DOCK5: variants seen among roughly 807,000 people sequenced by gnomAD.
DOCK5 encodes dedicator of cytokinesis protein 5.
DOCK5 carries 142 observed loss-of-function variants against 251.8 expected under a neutral mutation model. The observed-to-expected ratio is 0.56, with a 90% confidence interval of 0.49 to 0.65. DOCK5 has a LOEUF of 0.65. DOCK5 is among the 30% of genes least tolerant of loss of function. The pLI, the probability that DOCK5 is intolerant of heterozygous loss-of-function variation, is 0.00. For missense variants in DOCK5, 2,111 were observed against 2,312.3 expected (o/e 0.91, Z 1.79); for synonymous variants, 842 against 835.5 (o/e 1.01, Z -0.13).
chr8:25,398,340 G>A (rs17053592), intron 45 of DOCK5, among the ~76,000 whole-genome samples: 1,862 of 152,254 alleles, frequency 0.012, 27 homozygotes, highest in African/African-American at 0.043. Context: ...CTCTAAATAC[G>A]ATCCTGGCTA....
intron 5 of DOCK5, among the ~76,000 whole-genome samples, chr8:25,289,882 G>A (rs1456301983): frequency 6.6e-6 from 1 of 152,018 alleles, no homozygotes; most frequent in African/African-American, 2.4e-5. Flanking sequence ...TAGTATATGT[G>A]GATTCAGTGG....
intron 14 of DOCK5, among the ~76,000 whole-genome samples, chr8:25,318,670 G>A (rs1805335403): frequency 6.9e-6 from 1 of 145,224 alleles, no homozygotes; most frequent in Admixed American, 6.9e-5. Context: ...ATAAAGAAGT[G>A]AGTCCCAATT....
chr8:25,209,125 C>A (rs547952453), intron 1 of DOCK5, among the ~76,000 whole-genome samples: 1 of 152,116 alleles, frequency 6.6e-6, no homozygotes, highest in Admixed American at 6.5e-5. Context: ...GAAGATGCCG[C>A]GGGTGCACTG....
At chr8:25,362,466 T>C (rs1398272892) in intron 28 of DOCK5, among the ~76,000 whole-genome samples, 7 of 100,540 alleles carry the variant, frequency 7.0e-5, no homozygotes, top group Admixed American at 3.9e-4. Context: ...TCTTTTCTTT[T>C]TTTTTTTTTT....
chr8:25,334,050 C>A, intron 20 of DOCK5, 46 bp from the exon 21 acceptor site: 1 of 1,446,394 alleles, frequency 6.9e-7, no homozygotes, highest in Non-Finnish European at 9.7e-7. Context: ...TGACAGAATA[C>A]TTGGGATTGT....
rs181200815 is a variant in DOCK5 at position 25,218,516 on chromosome 8, A to G, written c.44-25158A>G. 4.7e-3 allele frequency among the ~76,000 whole-genome samples: 716 copies of G among 152,334 alleles called. 4 individuals are homozygous for G. Among genetic ancestry groups the G allele is most frequent in the African/African-American group, 0.016 (683 of 41,584 alleles). On this transcript the variant is annotated intron_variant, in intron 1 of 51. Transcript: ENST00000276440. The stretch of plus-strand genomic sequence containing the variant: ...GACAGCTGGATTGTTACAAGGGGGC[A>G]TCACCAATGTCACCTTAGTGGTGGC...
chr8:25,189,819 C>T (rs1306058277), intron 1 of DOCK5, among the ~76,000 whole-genome samples: 5 of 152,296 alleles, frequency 3.3e-5, no homozygotes, highest in Admixed American at 1.3e-4. Context: ...TCTGACTTAA[C>T]GGAGTAGAGC....
chr8:25,266,339 C>T (rs1803750292), intron 2 of DOCK5, among the ~76,000 whole-genome samples: 1 of 151,728 alleles, frequency 6.6e-6, no homozygotes, highest in Non-Finnish European at 1.5e-5. Flanking sequence ...CCTCAGCCTC[C>T]CTAGTAGCTG....
Position 25,372,735 on chromosome 8 carries a change from CG to C in DOCK5, c.3684+19del, listed in dbSNP as rs1800895904. ...AACGTGCTGGTATGTGACATGCCTC[CG>C]GTGTGATGGGAGGGTACTGTCAGGC... On this transcript the variant is annotated intron_variant, in intron 35 of 51. Coordinates refer to ENST00000276440, the MANE Select transcript of DOCK5 (RefSeq NM_024940.8). 1 of 1,605,046 alleles carries C rather than the reference CG, an allele frequency of 6.2e-7. No individual in the cohort carries two copies. The highest frequency in any genetic ancestry group is 1.3e-5 in the African/African-American group (1 of 74,674).
chr8:25,346,372 T>G (rs1412305644), intron 26 of DOCK5, among the ~76,000 whole-genome samples: 1 of 152,200 alleles, frequency 6.6e-6, no homozygotes, highest in East Asian at 1.9e-4. Flanking sequence ...CACCTCTTCC[T>G]TCTTATCCTC....
At chr8:25,306,707 T>A (rs1053825008) in intron 11 of DOCK5, among the ~76,000 whole-genome samples, 32 of 151,510 alleles carry the variant, frequency 2.1e-4, no homozygotes, top group South Asian at 8.3e-4. Context: ...AAAAAATAAA[T>A]AAATAAAATA....
At position 25,338,214 on chromosome 8, in the gene DOCK5, T is replaced by C. The variant is rs553978691; in HGVS notation, c.2327+1841T>C. Among the ~76,000 whole-genome samples the C allele has an allele frequency of 3.0e-4, 46 of 151,994 alleles. 1 individual carries two copies. The highest frequency in any genetic ancestry group is 3.8e-4 in the Non-Finnish European group (26 of 68,008). ...CGTCACCATGCCCAGCTAATGTTTA[T>C]ATTTTTTGTAGAGACAGGGTCTCTC... On this transcript the variant is annotated intron_variant, in intron 22 of 51. Transcript: ENST00000276440.
intron 4 of DOCK5, chr8:25,276,851 C>A (rs1394132856): frequency 6.6e-6 from 1 of 152,128 alleles, no homozygotes. Context: ...TCTTTGGACC[C>A]ATACAACAGC....
chr8:25,304,178 G>A (rs1177165041), intron 10 of DOCK5, 77 bp from the exon 11 acceptor site: 1 of 1,252,844 alleles, frequency 8.0e-7, no homozygotes, highest in Non-Finnish European at 1.1e-6. Context: ...GATGTTTGCT[G>A]ATACTGTCCT....
chr8:25,298,305 A>T (rs1371737325), intron 7 of DOCK5, among the ~76,000 whole-genome samples: 1 of 152,038 alleles, frequency 6.6e-6, no homozygotes, highest in South Asian at 2.1e-4. Context: ...GTTTTTAATG[A>T]GAGTTATTTC....
intron 1 of DOCK5, among the ~76,000 whole-genome samples, chr8:25,189,894 G>C (rs749140212): frequency 6.6e-6 from 1 of 152,048 alleles, no homozygotes; most frequent in Non-Finnish European, 1.5e-5. Flanking sequence ...TTGCTTATTT[G>C]TTTGTATTTT....
intron 13 of DOCK5, among the ~76,000 whole-genome samples, chr8:25,313,226 G>A (rs1159794221): frequency 6.6e-6 from 1 of 152,018 alleles, no homozygotes; most frequent in Non-Finnish European, 1.5e-5. Context: ...TTTGACTCTC[G>A]TCTTCAGCAT....
intron 9 of DOCK5, among the ~76,000 whole-genome samples, chr8:25,301,548 G>A (rs1804762840): frequency 6.6e-6 from 1 of 152,030 alleles, no homozygotes; most frequent in South Asian, 2.1e-4. Flanking sequence ...GCTCATTCCT[G>A]GGTTTACTCA....
chr8:25,185,046 C>T lies in DOCK5; in HGVS notation c.43+95C>T, dbSNP rs530253014. ...GTTTGCGCAGAGCCCGGCGGAGGAC[C>T]CTGGCCGGGGGCTCGGCCCGGCTGC... On this transcript the variant is annotated intron_variant, in intron 1 of 51. Transcript: ENST00000276440. 977 of 1,237,424 alleles carry T rather than the reference C, an allele frequency of 7.9e-4. 6 individuals are homozygous for T. In the African/African-American group the frequency reaches 9.2e-3, roughly 12 times the overall value. 76.7% of individuals were successfully genotyped at this position (1,237,424 alleles called of 1,614,324 possible).
Sources: gnomAD v4.1 joint callset for allele counts (sites outside exome capture counted in the v4.1 genomes callset) on GRCh38, gnomAD v4.1.1 for gene constraint, MANE v1.5 for transcripts, NCBI Gene and HGNC (gene_info 2026-07-23, HGNC 2026-07-21) for gene names.